SKIC3: variants seen among roughly 807,000 people sequenced by gnomAD.
The protein encoded by SKIC3 is superkiller complex protein 3.
chr5:95,491,114 G>C, the SKIC3 span: 1 of 1,545,672 alleles, frequency 6.5e-7, no homozygotes, highest in Non-Finnish European at 8.7e-7. Flanking sequence ...ATGAGATTAA[G>C]AGTTTACAAG....
the SKIC3 span, among the ~76,000 whole-genome samples, chr5:95,511,260 A>G: frequency 6.6e-6 from 1 of 152,158 alleles, no homozygotes; most frequent in Non-Finnish European, 1.5e-5. Context: ...AATACAAAAA[A>G]TTAGCCGGGC....
the SKIC3 span, among the ~76,000 whole-genome samples, chr5:95,508,142 GTACCATCTAGTGA>G: frequency 6.6e-6 from 1 of 152,062 alleles, no homozygotes; most frequent in Non-Finnish European, 1.5e-5. Context: ...ACAGGCTCCA[GTACCATCTAGTGA>G]TTACTCCTTT....
the SKIC3 span, among the ~76,000 whole-genome samples, chr5:95,543,532 C>T: frequency 6.6e-6 from 1 of 152,094 alleles, no homozygotes; most frequent in Non-Finnish European, 1.5e-5. Flanking sequence ...TTTGAAATAA[C>T]AGGTGGTTTC....
At chr5:95,498,325 A>G in the SKIC3 span, 4 of 1,558,972 alleles carry the variant, frequency 2.6e-6, no homozygotes, top group Non-Finnish European at 3.5e-6. Flanking sequence ...AAATGCAACC[A>G]TATCAAGTAT....
the SKIC3 span, among the ~76,000 whole-genome samples, chr5:95,486,992 G>A: frequency 6.6e-6 from 1 of 152,212 alleles, no homozygotes; most frequent in Admixed American, 6.5e-5. Flanking sequence ...GTGTGTCTGT[G>A]TGGGTGTTGC....
chr5:95,544,329 C>T, the SKIC3 span, among the ~76,000 whole-genome samples: 1 of 152,216 alleles, frequency 6.6e-6, no homozygotes, highest in Non-Finnish European at 1.5e-5. Flanking sequence ...GCTGCCATGA[C>T]TCTAAGTCTA....
the SKIC3 span, among the ~76,000 whole-genome samples, chr5:95,481,603 T>G: frequency 6.6e-6 from 1 of 152,160 alleles, no homozygotes; most frequent in African/African-American, 2.4e-5. Flanking sequence ...CAACAACATC[T>G]AGTTGTTGAT....
the SKIC3 span, among the ~76,000 whole-genome samples, chr5:95,474,185 T>A: frequency 6.6e-6 from 1 of 152,196 alleles, no homozygotes; most frequent in African/African-American, 2.4e-5. Context: ...CCATTGCTTA[T>A]TTTTGTCAGC....
the SKIC3 span, chr5:95,494,807 A>G: frequency 3.7e-6 from 6 of 1,613,412 alleles, no homozygotes; most frequent in South Asian, 6.6e-5. Flanking sequence ...AATAAGAGAA[A>G]AGATGTTAGC....
chr5:95,523,558 A>G, the SKIC3 span: 59 of 1,417,358 alleles, frequency 4.2e-5, no homozygotes, highest in South Asian at 6.8e-4. Flanking sequence ...ATAGAAAAAA[A>G]ACTAATGATA....
chr5:95,466,356 A>T, the SKIC3 span, among the ~76,000 whole-genome samples: 1 of 152,124 alleles, frequency 6.6e-6, no homozygotes, highest in Non-Finnish European at 1.5e-5. Context: ...GTTACCTCTA[A>T]CTCCATCCTA....
At chr5:95,529,967 G>A in the SKIC3 span, 1 of 1,165,156 alleles carries the variant, frequency 8.6e-7, no homozygotes, top group Non-Finnish European at 1.2e-6. Flanking sequence ...TCCAAGGTAT[G>A]CAGGTACATT....
chr5:95,529,452 G>A, the SKIC3 span: 2 of 356,780 alleles, frequency 5.6e-6, no homozygotes, highest in East Asian at 6.7e-5. Flanking sequence ...TCAGGATACT[G>A]TGCAAACTCC....
At chr5:95,545,311 T>C in the SKIC3 span, among the ~76,000 whole-genome samples, 1 of 152,126 alleles carries the variant, frequency 6.6e-6, no homozygotes, top group Admixed American at 6.5e-5. Flanking sequence ...CGTCCTTGCA[T>C]CCCTGCTGGG....
At chr5:95,496,785 T>G in the SKIC3 span, among the ~76,000 whole-genome samples, 1,388 of 152,150 alleles carry the variant, frequency 9.1e-3, 15 homozygotes, top group South Asian at 0.039. Flanking sequence ...CTTGCAGACT[T>G]CAGATGTTGG....
At chr5:95,481,562 G>A in the SKIC3 span, among the ~76,000 whole-genome samples, 1 of 152,068 alleles carries the variant, frequency 6.6e-6, no homozygotes, top group Non-Finnish European at 1.5e-5. Flanking sequence ...GTTTGACAAT[G>A]TATTTCTCCC....
At chr5:95,464,903 T>C in the SKIC3 span, among the ~76,000 whole-genome samples, 2 of 148,900 alleles carry the variant, frequency 1.3e-5, no homozygotes, top group South Asian at 4.2e-4. Flanking sequence ...CAAATTAGTA[T>C]AGATGCCAAC....
chr5:95,464,605 T>A, the SKIC3 span: 1 of 1,609,138 alleles, frequency 6.2e-7, no homozygotes, highest in Non-Finnish European at 8.5e-7. Flanking sequence ...AATAATCCAA[T>A]GTTATTGTGA....
the SKIC3 span, chr5:95,523,649 A>G: frequency 2.5e-6 from 4 of 1,613,156 alleles, no homozygotes; most frequent in African/African-American, 1.3e-5. Context: ...TGATTATTAG[A>G]CATACCATAT....
Sources: gnomAD v4.1 joint callset for allele counts (sites outside exome capture counted in the v4.1 genomes callset) on GRCh38, gnomAD v4.1.1 for gene constraint, MANE v1.5 for transcripts, NCBI Gene and HGNC (gene_info 2026-07-23, HGNC 2026-07-21) for gene names.